Variants in PDE4DIP observed in about 807,000 individuals in gnomAD.
The protein encoded by PDE4DIP is myomegalin.
A neutral mutation model predicts 221.4 loss-of-function variants in PDE4DIP; 59 were observed. That is an observed-to-expected ratio of 0.27 (90% CI 0.22 to 0.33). The LOEUF is 0.33. PDE4DIP is among the 10% of genes least tolerant of loss of function. The pLI, the probability that PDE4DIP is intolerant of heterozygous loss-of-function variation, is 1.00. For synonymous variants in PDE4DIP, 404 were observed against 815.9 expected, an observed-to-expected ratio of 0.50 and a Z score of 8.60; for missense variants, 1,036 against 2,154.2, an observed-to-expected ratio of 0.48 and a Z score of 10.28.
At chr1:148,847,953 T>C (rs1475562248) in intron 1 of PDE4DIP, among the ~76,000 whole-genome samples, 1 of 35,218 alleles carries the variant, frequency 2.8e-5, no homozygotes, top group Non-Finnish European at 4.8e-5. Context: ...GAAAAGGTGC[T>C]CCACATCACT....
intron 38 of PDE4DIP, among the ~76,000 whole-genome samples, chr1:149,025,335 T>C (rs1371657052): frequency 1.3e-5 from 2 of 151,800 alleles, no homozygotes; most frequent in Non-Finnish European, 2.9e-5. Context: ...CCCCTTTCCC[T>C]CACAGGTGGG....
At position 149,021,302 on chromosome 1, in the gene PDE4DIP, G is replaced by A. The variant is rs587700632; in HGVS notation, c.6085+149G>A. The A allele has an allele frequency of 5.3e-4, 348 of 661,998 alleles. 3 individuals are homozygous for A. Among genetic ancestry groups the A allele is most frequent in the Admixed American group, 1.5e-3 (64 of 42,362 alleles). 41.0% of individuals were successfully genotyped at this position (661,998 alleles called of 1,614,324 possible). ...CCCGAGCCTGGGGCTCCCAGTAGGA[G>A]CTCTCAAACACAAAGCCCAACGGGA... On this transcript the variant is annotated intron_variant, in intron 37 of 43. Coordinates refer to ENST00000369354, the Ensembl canonical transcript of PDE4DIP.
intron 9 of PDE4DIP, among the ~76,000 whole-genome samples, chr1:148,964,212 C>G (rs1430696899): frequency 6.6e-6 from 1 of 151,324 alleles, no homozygotes; most frequent in Non-Finnish European, 1.5e-5. Context: ...CGGGTTCAAG[C>G]GATTCTCCTG....
At chr1:149,014,026 G>A (rs1362814511) in intron 32 of PDE4DIP, among the ~76,000 whole-genome samples, 7 of 152,190 alleles carry the variant, frequency 4.6e-5, no homozygotes, top group African/African-American at 1.7e-4. Context: ...GAGCTCAAGT[G>A]ATTGGCCCAC....
chr1:148,961,555 T>C (rs2056939885), intron 6 of PDE4DIP, among the ~76,000 whole-genome samples: 1 of 152,326 alleles, frequency 6.6e-6, no homozygotes, highest in Non-Finnish European at 1.5e-5. Context: ...ACCACTTGCC[T>C]ACTTGGTCCA....
chr1:148,949,008 A>G (rs2052489374), intron 5 of PDE4DIP, among the ~76,000 whole-genome samples: 1 of 152,178 alleles, frequency 6.6e-6, no homozygotes, highest in Admixed American at 6.5e-5. Context: ...TCATTTGCAT[A>G]TGGCTTGTTT....
At chr1:148,987,540 G>A (rs1448849867) in intron 21 of PDE4DIP, among the ~76,000 whole-genome samples, 3 of 152,156 alleles carry the variant, frequency 2.0e-5, no homozygotes, top group East Asian at 1.9e-4. Context: ...GCCCGGTACC[G>A]AAGGAAAGAA....
At chr1:148,859,323 T>C (rs1367529870) in intron 1 of PDE4DIP, among the ~76,000 whole-genome samples, 1 of 149,050 alleles carries the variant, frequency 6.7e-6, no homozygotes, top group Non-Finnish European at 1.5e-5. Context: ...AATATCTTAA[T>C]AGCTACTTAT....
chr1:148,985,456 A>G (rs2061749209), intron 21 of PDE4DIP: 1 of 152,202 alleles, frequency 6.6e-6, no homozygotes, highest in South Asian at 2.1e-4. Flanking sequence ...ACATTTTATT[A>G]TGATCAAATA....
Position 149,007,301 on chromosome 1 carries a change from G to A in PDE4DIP, c.4516G>A (p.Ala1506Thr), listed in dbSNP as rs782687367. The A allele has an allele frequency of 5.0e-6, 8 of 1,604,662 alleles. 1 individual carries two copies. The South Asian group carries it at 8.8e-5, about 18-fold the overall frequency. Reference sequence around the variant, plus strand: ...TATTTGTTATCTTATCACCCGGCATGCAAAAGATACAGTAAAATCTTTTGA... The same window carrying A: ...TATTTGTTATCTTATCACCCGGCATACAAAAGATACAGTAAAATCTTTTGA... Residue 1506 changes from alanine (A) to threonine (T), a missense_variant, in exon 28 of 44, where the codon GCA becomes ACA. Physicochemically the swap from Ala to Thr is moderately conservative, Grantham distance 58. Transcript: ENST00000369354.
intron 2 of PDE4DIP, chr1:148,929,609 T>A (rs587633939): frequency 3.9e-5 from 10 of 259,012 alleles, no homozygotes; most frequent in African/African-American, 1.8e-4. Context: ...AGTCAGCCTA[T>A]AATAACATCA....
intron 1 of PDE4DIP, among the ~76,000 whole-genome samples, chr1:148,912,231 T>G (rs1456929412): frequency 5.5e-5 from 8 of 146,062 alleles, no homozygotes; most frequent in African/African-American, 2.1e-4. Context: ...AATAAAAGCA[T>G]CCTAGACTGG....
At chr1:149,032,525 C>G (rs587659126) in exon 44 of PDE4DIP, 36 of 310,364 alleles carry the variant, frequency 1.2e-4, no homozygotes, top group Non-Finnish European at 1.9e-4. Context: ...CCTGTTGGGT[C>G]GAGTCAGGCT....
intron 1 of PDE4DIP, among the ~76,000 whole-genome samples, chr1:148,912,398 A>G (rs12133710): frequency 0.11 from 12,340 of 111,940 alleles, 106 homozygotes; most frequent in Non-Finnish European, 0.14. Flanking sequence ...ATACCACTGT[A>G]TAACAAACAC....
chr1:148,996,278 T>G (rs1341653977), intron 22 of PDE4DIP, among the ~76,000 whole-genome samples: 9 of 152,210 alleles, frequency 5.9e-5, no homozygotes, highest in African/African-American at 2.2e-4. Context: ...TCAAGACTAA[T>G]GGCAAAGTGT....
intron 29 of PDE4DIP, 118 bp from the exon 33 acceptor site, chr1:149,009,450 C>T: frequency 3.1e-6 from 2 of 642,262 alleles, no homozygotes; most frequent in Non-Finnish European, 5.6e-6. Flanking sequence ...GGGTTATTTC[C>T]ATAATTATCT....
intron 21 of PDE4DIP, chr1:148,985,561 T>TA (rs1451770375): frequency 6.6e-6 from 1 of 152,008 alleles, no homozygotes; most frequent in Non-Finnish European, 1.5e-5. Context: ...ATTTTCTAAA[T>TA]AAAAAATAGC....
At position 148,981,788 on chromosome 1, in the gene PDE4DIP, C is replaced by T. The variant is rs587671991; in HGVS notation, c.2815+391C>T. The T allele has an allele frequency of 1.3e-4, 29 of 228,122 alleles. No individual in the cohort carries two copies. The South Asian group carries it at 2.0e-3, about 16-fold the overall frequency. The allele number at this position is 228,122 out of a possible 1,614,324, so 14.1% of individuals were successfully genotyped here. A position where few individuals can be genotyped will look rare whatever the true frequency, so the allele number is the denominator to read the frequency against. On this transcript the variant is annotated intron_variant, in intron 21 of 43. Transcript: ENST00000369354. Reference sequence around the variant, plus strand: ...TTATTCTTCCCCAACTTTCACAATCCATTTCATATGTTCCATATCATATCA... The same window carrying T: ...TTATTCTTCCCCAACTTTCACAATCTATTTCATATGTTCCATATCATATCA...
chr1:148,981,398 G>A lies in PDE4DIP; in HGVS notation c.2815+1G>A. The A allele has an allele frequency of 6.2e-7, 1 of 1,613,990 alleles. No homozygotes were observed. Among genetic ancestry groups the A allele is most frequent in the Non-Finnish European group, 8.5e-7 (1 of 1,179,906 alleles). ...CTGGAGACCCTGGCCGCCATTGGAGGTGGGGAACTGGAAAGTGTGCGAATT... is the reference window on the plus strand; with the variant it reads ...CTGGAGACCCTGGCCGCCATTGGAGATGGGGAACTGGAAAGTGTGCGAATT... On this transcript the variant is annotated splice_donor_variant, in intron 21 of 43. Transcript: ENST00000369354. LOFTEE classifies it high-confidence loss of function.
Sources: gnomAD v4.1 joint callset for allele counts (sites outside exome capture counted in the v4.1 genomes callset) on GRCh38, gnomAD v4.1.1 for gene constraint, MANE v1.5 for transcripts, NCBI Gene and HGNC (gene_info 2026-07-23, HGNC 2026-07-21) for gene names.